Variants in CNTN4 observed in about 807,000 individuals in gnomAD.
The protein encoded by CNTN4 is contactin-4.
Under a neutral mutation model 122.5 loss-of-function variants are expected in CNTN4, and 77 were observed. The observed-to-expected ratio is 0.63, with a 90% CI of 0.52 to 0.76. The LOEUF (loss-of-function observed/expected upper bound fraction) is 0.76, where lower values mean the gene tolerates loss of function less well. CNTN4 is among the 30% of genes least tolerant of loss of function. The pLI, the probability that CNTN4 is intolerant of heterozygous loss-of-function variation, is 0.00. For synonymous variants in CNTN4, 512 were observed against 447.0 expected, an observed-to-expected ratio of 1.15 and a Z score of -1.83; for missense variants, 1,256 against 1,259.1, an observed-to-expected ratio of 1.00 and a Z score of 0.04.
At position 2,865,202 on chromosome 3, in the gene CNTN4, A is replaced by G. The variant is rs767270936; in HGVS notation, c.455-1550A>G. Among the ~76,000 whole-genome samples the G allele has an allele frequency of 7.2e-4, 110 of 152,212 alleles. 3 individuals carry two copies. Among genetic ancestry groups the G allele is most frequent in the Non-Finnish European group, 2.1e-4 (14 of 68,036 alleles). ...ATAAAATGATTAGCCATTCTCATAT[A>G]AACATAATTATATCTTTCTAAAATA... On this transcript the variant is annotated intron_variant, in intron 7 of 24. Transcript: ENST00000418658.
At chr3:2,443,406 T>G (rs2048508681) in intron 3 of CNTN4, among the ~76,000 whole-genome samples, 1 of 152,160 alleles carries the variant, frequency 6.6e-6, no homozygotes, top group African/African-American at 2.4e-5. Flanking sequence ...TCTTCTGTGC[T>G]TTTCTCACAT....
intron 7 of CNTN4, among the ~76,000 whole-genome samples, chr3:2,862,524 C>A (rs555950377): frequency 1.3e-5 from 2 of 152,230 alleles, no homozygotes; most frequent in Admixed American, 1.3e-4. Flanking sequence ...TTCAGTTGAG[C>A]CCCAGAAGTT....
chr3:2,321,051 G>A (rs1479060845), intron 2 of CNTN4, among the ~76,000 whole-genome samples: 1 of 152,076 alleles, frequency 6.6e-6, no homozygotes, highest in Non-Finnish European at 1.5e-5. Flanking sequence ...CCCTTGTTGG[G>A]TGGCTGAATT....
chr3:2,276,944 G>C (rs896594773), intron 2 of CNTN4, among the ~76,000 whole-genome samples: 6 of 152,118 alleles, frequency 3.9e-5, no homozygotes, highest in African/African-American at 1.4e-4. Flanking sequence ...TAGTGATATA[G>C]TATAGATTAA....
intron 23 of CNTN4, among the ~76,000 whole-genome samples, chr3:3,050,728 A>G (rs904678821): frequency 5.2e-5 from 7 of 135,182 alleles, no homozygotes; most frequent in African/African-American, 1.7e-4. Flanking sequence ...ACACCATCGC[A>G]CTCTAGCCTG....
intron 2 of CNTN4, among the ~76,000 whole-genome samples, chr3:2,201,806 C>T (rs189329508): frequency 2.6e-3 from 391 of 152,004 alleles, no homozygotes; most frequent in Middle Eastern, 0.01. Context: ...CTTTTCTCCC[C>T]GCTTCAGATA....
chr3:3,044,789 C>T (rs569254205), intron 23 of CNTN4, among the ~76,000 whole-genome samples: 1 of 152,322 alleles, frequency 6.6e-6, no homozygotes, highest in South Asian at 2.1e-4. Context: ...GTGCACCGAG[C>T]ATAAGCTGAA....
At chr3:2,099,330 C>G (rs577961818) in intron 1 of CNTN4, 41 of 152,496 alleles carry the variant, frequency 2.7e-4, no homozygotes, top group African/African-American at 9.1e-4. Context: ...ACCGAGAGCC[C>G]GGAATGCTGC....
intron 3 of CNTN4, among the ~76,000 whole-genome samples, chr3:2,474,524 G>C (rs913111171): frequency 1.3e-5 from 2 of 152,140 alleles, no homozygotes; most frequent in Admixed American, 1.3e-4. Context: ...TCTAAGGAAT[G>C]TGTAAGTTAT....
In CNTN4 at chr3:2,819,858, T is replaced by C. The variant is rs116299213; in HGVS notation, c.454+277T>C. Reference sequence around the variant, plus strand: ...AATGCTGTTGCTTGGTAAAGCAGTGTAATTAAAACGACTCATACTTCTTAC... The same window carrying C: ...AATGCTGTTGCTTGGTAAAGCAGTGCAATTAAAACGACTCATACTTCTTAC... On this transcript the variant is annotated intron_variant, in intron 7 of 24. Coordinates refer to ENST00000418658, the MANE Select transcript of CNTN4 (RefSeq NM_175607.3). Among the ~76,000 whole-genome samples, 1,281 of 152,268 alleles carry C rather than the reference T, an allele frequency of 8.4e-3. 16 individuals carry two copies. The highest frequency in any genetic ancestry group is 0.014 in the Admixed American group (213 of 15,290).
intron 3 of CNTN4, among the ~76,000 whole-genome samples, chr3:2,453,954 C>G (rs988014279): frequency 2.0e-5 from 3 of 152,132 alleles, no homozygotes; most frequent in Non-Finnish European, 4.4e-5. Flanking sequence ...ATCACACTTT[C>G]ATGATGGGAA....
chr3:2,311,270 A>T (rs926912605), intron 2 of CNTN4, among the ~76,000 whole-genome samples: 1 of 151,974 alleles, frequency 6.6e-6, no homozygotes, highest in African/African-American at 2.4e-5. Context: ...TTAATGATGA[A>T]TTTTTCCCCC....
chr3:2,643,492 C>T (rs554422557), intron 4 of CNTN4, among the ~76,000 whole-genome samples: 3 of 152,188 alleles, frequency 2.0e-5, no homozygotes, highest in East Asian at 1.9e-4. Flanking sequence ...TATTGAACGA[C>T]GTTCACTAGT....
At chr3:2,188,028 G>T (rs2037356178) in intron 2 of CNTN4, among the ~76,000 whole-genome samples, 1 of 152,094 alleles carries the variant, frequency 6.6e-6, no homozygotes, top group South Asian at 2.1e-4. Flanking sequence ...AAAAAAAGTG[G>T]GTTTGCTATA....
At chr3:2,836,982 GACAA>G (rs1182035599) in intron 7 of CNTN4, among the ~76,000 whole-genome samples, 6 of 152,092 alleles carry the variant, frequency 3.9e-5, no homozygotes, top group Admixed American at 6.6e-5. Flanking sequence ...AGGACGTAAA[GACAA>G]ACAAGAATGA....
intron 4 of CNTN4, among the ~76,000 whole-genome samples, chr3:2,614,750 G>C (rs1266646908): frequency 6.6e-6 from 1 of 152,092 alleles, no homozygotes; most frequent in African/African-American, 2.4e-5. Flanking sequence ...AGAGATGCCT[G>C]TCAGACATCC....
intron 3 of CNTN4, among the ~76,000 whole-genome samples, chr3:2,540,395 T>C (rs774972190): frequency 1.3e-5 from 2 of 151,868 alleles, no homozygotes; most frequent in African/African-American, 2.4e-5. Context: ...TAATTTCTCT[T>C]GCAGCAAAAC....
At chr3:2,771,224 G>C (rs148697370) in intron 6 of CNTN4, among the ~76,000 whole-genome samples, 2 of 152,204 alleles carry the variant, frequency 1.3e-5, no homozygotes, top group Admixed American at 1.3e-4. Flanking sequence ...TGTTTCTTTG[G>C]TTGAAAAGCA....
chr3:2,965,392 A>G (rs1018249377), intron 13 of CNTN4, among the ~76,000 whole-genome samples: 3 of 152,142 alleles, frequency 2.0e-5, no homozygotes, highest in East Asian at 1.9e-4. Flanking sequence ...GAAATATTCT[A>G]TGTCTGTGCT....
Sources: allele counts gnomAD v4.1 joint callset (sites outside exome capture counted in the v4.1 genomes callset), GRCh38; gene constraint gnomAD v4.1.1; transcripts MANE v1.5; gene names NCBI Gene and HGNC (gene_info 2026-07-23, HGNC 2026-07-21).